Variants in KREMEN1 observed in about 807,000 individuals in gnomAD.
KREMEN1 encodes kringle containing transmembrane protein 1.
KREMEN1 carries 30 observed loss-of-function variants against 46.5 expected under a neutral mutation model. The ratio of observed to expected loss-of-function variants is 0.65; its 90% CI spans 0.48 to 0.88. The LOEUF (loss-of-function observed/expected upper bound fraction) is 0.88, where lower values mean the gene tolerates loss of function less well. Ranked by LOEUF, KREMEN1 falls within the 40% of genes least tolerant of loss-of-function variation. The pLI, the probability that KREMEN1 is intolerant of heterozygous loss-of-function variation, is 0.00. For synonymous variants in KREMEN1, 214 were observed against 230.6 expected (o/e 0.93, Z 0.65); for missense variants, 533 against 596.9 (o/e 0.89, Z 1.11).
chr22:29,137,646 G>A lies in KREMEN1; in HGVS notation c.936G>A (p.Gln312=), dbSNP rs375620412. ...ILYFFSDRIN[Q]AQGFAVLYQA... ...ATTTCTTCTCTGATCGCATCAATCA[G>A]GCCCAGGGATTTGCTGTTTTATACC... is the stretch of plus-strand genomic sequence containing the variant. The change falls in exon 6 of 9, where the codon CAG becomes CAA. Residue 312 remains glutamine, a synonymous_variant. Coordinates refer to ENST00000400335, the MANE Select transcript of KREMEN1 (RefSeq NM_001039570.3). 35 of 1,597,776 alleles carry A rather than the reference G, an allele frequency of 2.2e-5. No individual in the cohort carries two copies. In the African/African-American group the frequency reaches 4.3e-4, roughly 20 times the overall value.
At position 29,138,797 on chromosome 22, in the gene KREMEN1, G is replaced by A. The variant is rs745365237; in HGVS notation, c.1123+15G>A. ...GACTGTCCCAGGTAGCAATTCCTGG[G>A]CGCCACCCATGGGGGCTGGAAGCCA... On this transcript the variant is annotated intron_variant, in intron 7 of 8. Coordinates refer to ENST00000400335, the MANE Select transcript of KREMEN1 (RefSeq NM_001039570.3). The A allele has an allele frequency of 6.2e-7, 1 of 1,614,240 alleles. No individual in the cohort carries two copies. Among genetic ancestry groups the A allele is most frequent in the Non-Finnish European group, 8.5e-7 (1 of 1,180,042 alleles).
At chr22:29,081,818 T>C (rs1188604846) in intron 1 of KREMEN1, among the ~76,000 whole-genome samples, 1 of 152,228 alleles carries the variant, frequency 6.6e-6, no homozygotes, top group East Asian at 1.9e-4. Flanking sequence ...CCTGTGCCAA[T>C]TGACAGAAGG....
At chr22:29,132,429 C>T (rs12166946) in intron 5 of KREMEN1, among the ~76,000 whole-genome samples, 6,596 of 152,234 alleles carry the variant, frequency 0.043, 223 homozygotes, top group Non-Finnish European at 0.071. Flanking sequence ...GCATATTTAG[C>T]ATTATAAGTC....
intron 5 of KREMEN1, among the ~76,000 whole-genome samples, chr22:29,133,514 T>C (rs930410239): frequency 2.6e-5 from 4 of 151,984 alleles, no homozygotes; most frequent in Admixed American, 2.6e-4. Flanking sequence ...TTACCCAGAC[T>C]GATCTTGAAC....
At chr22:29,088,266 T>C (rs2037757191) in intron 1 of KREMEN1, among the ~76,000 whole-genome samples, 1 of 151,996 alleles carries the variant, frequency 6.6e-6, no homozygotes, top group South Asian at 2.1e-4. Flanking sequence ...GCTAATTATT[T>C]TATGGACCAG....
Position 29,073,093 on chromosome 22 carries a change from A to T in KREMEN1, c.-38A>T. On this transcript the variant is annotated 5_prime_UTR_variant, in exon 1 of 9. Transcript: ENST00000400335. This position sits in a 1 kb window ranked among gnomAD's most constrained non-coding sequence, Gnocchi z 4.4. ...CCCGGCTCCCCGCGCTGCCCCCTTT[A>T]CCCCGGGCCGCGCCCCGGGGCCCCG... The T allele has an allele frequency of 1.4e-6, 1 of 699,170 alleles. No individual in the cohort carries two copies. Among genetic ancestry groups the T allele is most frequent in the African/African-American group, 2.0e-5 (1 of 49,824 alleles). 43.3% of individuals were successfully genotyped at this position (699,170 alleles called of 1,614,324 possible).
intron 5 of KREMEN1, among the ~76,000 whole-genome samples, chr22:29,132,997 C>T (rs1252878239): frequency 2.6e-5 from 4 of 152,096 alleles, no homozygotes; most frequent in Non-Finnish European, 5.9e-5. Context: ...GCCTGTAATC[C>T]CAGCACTTTG....
chr22:29,144,448 C>T lies in KREMEN1; in HGVS notation c.*2336C>T. 1.0e-6 allele frequency: 1 copy of T among 985,600 alleles called. No homozygotes were observed. Among genetic ancestry groups the T allele is most frequent in the Non-Finnish European group, 1.2e-6 (1 of 830,034 alleles). 61.1% of individuals were successfully genotyped at this position (985,600 alleles called of 1,614,324 possible). On this transcript the variant is annotated 3_prime_UTR_variant, in exon 9 of 9. Transcript: ENST00000400335. ...GGCCCCGTGGGAGGCCTGCTGAGGG[C>T]ACAGAGCTGCTCGGTGCAGCCTTCA...
intron 8 of KREMEN1, among the ~76,000 whole-genome samples, chr22:29,141,455 A>C (rs1383628484): frequency 6.6e-6 from 1 of 152,210 alleles, no homozygotes. Context: ...CCTAAAGTGC[A>C]TGCCTAACTC....
Position 29,155,207 on chromosome 22 carries a change from C to T in KREMEN1, c.1417-11837C>T, listed in dbSNP as rs116280758. On this transcript the variant is annotated intron_variant, in intron 9 of 9. Transcript: ENST00000327813. The stretch of plus-strand genomic sequence containing the variant: ...AGTCCTGCAAGTTCTGTGCCTAACT[C>T]TTATTGTGGTCACCTTTGGAAAAGG... Among the ~76,000 whole-genome samples, 242 of 152,142 alleles carry T rather than the reference C, an allele frequency of 1.6e-3. 1 individual carries two copies. The highest frequency in any genetic ancestry group is 5.7e-3 in the African/African-American group (235 of 41,506).
At chr22:29,080,566 A>T (rs527276794) in intron 1 of KREMEN1, among the ~76,000 whole-genome samples, 2 of 152,298 alleles carry the variant, frequency 1.3e-5, no homozygotes, top group South Asian at 4.1e-4. Context: ...AGCTGAAATG[A>T]CTAGGCCTTC....
intron 9 of KREMEN1, among the ~76,000 whole-genome samples, chr22:29,159,726 C>T (rs1253486611): frequency 6.6e-6 from 1 of 152,336 alleles, no homozygotes; most frequent in African/African-American, 2.4e-5. Context: ...CAGGTGCTTA[C>T]TGGTGAGAGA....
At chr22:29,160,539 C>CAAAAAAA (rs132303) in intron 9 of KREMEN1, among the ~76,000 whole-genome samples, 14 of 103,484 alleles carry the variant, frequency 1.4e-4, no homozygotes, top group Non-Finnish European at 1.8e-4. Flanking sequence ...GACTCCGTCT[C>CAAAAAAA]AAAAAAAAAA....
chr22:29,124,628 G>C (rs2038411347), intron 4 of KREMEN1, among the ~76,000 whole-genome samples: 1 of 152,026 alleles, frequency 6.6e-6, no homozygotes, highest in Non-Finnish European at 1.5e-5. Flanking sequence ...AAGCAGTTGG[G>C]ATTACAGGTG....
chr22:29,147,838 G>T (rs1601818679), downstream of KREMEN1, among the ~76,000 whole-genome samples: 2 of 152,330 alleles, frequency 1.3e-5, no homozygotes, highest in African/African-American at 4.8e-5. Context: ...TCACATCCCA[G>T]TTCCACTGTT....
chr22:29,088,327 A>ACACACACG (rs35603207), intron 1 of KREMEN1, among the ~76,000 whole-genome samples: 4,370 of 150,470 alleles, frequency 0.029, 90 homozygotes, highest in Non-Finnish European at 0.047. Context: ...ACACACACAC[A>ACACACACG]CACGCACACA....
chr22:29,083,114 T>C (rs185110225), intron 1 of KREMEN1, among the ~76,000 whole-genome samples: 1 of 152,294 alleles, frequency 6.6e-6, no homozygotes, highest in Admixed American at 6.5e-5. Context: ...TTCGCTATGT[T>C]GCCAAGTCTA....
At chr22:29,112,094 A>C (rs1388998916) in intron 3 of KREMEN1, among the ~76,000 whole-genome samples, 1 of 152,144 alleles carries the variant, frequency 6.6e-6, no homozygotes, top group Non-Finnish European at 1.5e-5. Context: ...CCTCTCTCTC[A>C]GCTTGTTATC....
chr22:29,141,811 G>A, intron 8 of KREMEN1, 133 bp from the exon 9 acceptor site: 1 of 599,718 alleles, frequency 1.7e-6, no homozygotes. Context: ...TAGTCCTTCA[G>A]ATCTTTAGAG....
Sources: allele counts gnomAD v4.1 joint callset (sites outside exome capture counted in the v4.1 genomes callset), GRCh38; gene constraint gnomAD v4.1.1; non-coding constraint Gnocchi (gnomAD v3.1); transcripts MANE v1.5; gene names NCBI Gene and HGNC (gene_info 2026-07-23, HGNC 2026-07-21).